RNF32: variants seen among roughly 807,000 people sequenced by gnomAD.
The protein encoded by RNF32 is ring finger protein 32.
A neutral mutation model predicts 41.0 loss-of-function variants in RNF32; 36 were observed. The observed-to-expected ratio is 0.88, with a 90% CI of 0.67 to 1.16. RNF32 has a LOEUF of 1.16. Ranked by LOEUF, RNF32 falls within the 50% of genes most tolerant of loss-of-function variation. The pLI, the probability that RNF32 is intolerant of heterozygous loss-of-function variation, is 0.00. For synonymous variants in RNF32, 154 were observed against 160.9 expected (o/e 0.96, Z 0.32); for missense variants, 413 against 436.7 (o/e 0.95, Z 0.48).
chr7:156,662,794 A>G (rs912949217), intron 7 of RNF32, among the ~76,000 whole-genome samples: 1 of 151,922 alleles, frequency 6.6e-6, no homozygotes, highest in Non-Finnish European at 1.5e-5. Flanking sequence ...AAAAAATTAT[A>G]TGAGCATCTC....
chr7:156,676,374 G>T, intron 8 of RNF32, 45 bp from the exon 9 acceptor site: 1 of 1,613,904 alleles, frequency 6.2e-7, no homozygotes, highest in African/African-American at 1.3e-5. Flanking sequence ...TTTCTGCTGT[G>T]ATGAAACTAA....
At chr7:156,650,338 G>A (rs1349142514) in intron 3 of RNF32, among the ~76,000 whole-genome samples, 1 of 152,160 alleles carries the variant, frequency 6.6e-6, no homozygotes, top group Non-Finnish European at 1.5e-5. Flanking sequence ...ACCTGAGACG[G>A]TCACATGCCC....
rs1386311699 is a variant in RNF32, at chr7:156,670,478, A to G, written c.685-5218A>G. On this transcript the variant is annotated intron_variant, in intron 7 of 8. Transcript: ENST00000317955. The surrounding 1 kb of genome is among the most constrained non-coding windows in gnomAD (Gnocchi z 4.3). Reference sequence around the variant, plus strand: ...ACGTGGGACAGAGGCAACAGCTTGAAGCAACAAAGGCTAAGAATTTTCCAG... The same window carrying G: ...ACGTGGGACAGAGGCAACAGCTTGAGGCAACAAAGGCTAAGAATTTTCCAG... Among the ~76,000 whole-genome samples, 4 of 152,246 alleles carry G rather than the reference A, an allele frequency of 2.6e-5. No individual in the cohort carries two copies. The highest frequency in any genetic ancestry group is 9.6e-5 in the African/African-American group (4 of 41,456).
intron 3 of RNF32, among the ~76,000 whole-genome samples, chr7:156,651,522 A>C (rs116108547): frequency 0.018 from 2,673 of 152,164 alleles, 79 homozygotes; most frequent in African/African-American, 0.062. Context: ...CCATATTTTT[A>C]ATAATTCTAA....
At chr7:156,662,121 G>GTGCCTATA (rs762160935) in intron 7 of RNF32, among the ~76,000 whole-genome samples, 5 of 152,236 alleles carry the variant, frequency 3.3e-5, no homozygotes, top group Non-Finnish European at 5.9e-5. Context: ...GCAGTAGGTA[G>GTGCCTATA]TAGGTGCCTA....
In RNF32 at chr7:156,676,569, G is replaced by GTT; in HGVS notation, c.1003_1004insTT (p.Glu335ValfsTer37). 6.2e-7 allele frequency: 1 copy of GTT among 1,614,230 alleles called. No individual in the cohort carries two copies. The stretch of plus-strand genomic sequence containing the variant: ...CCACCATGCGTGTCTGCTGGCACTA[G>GTT]AGGAGTTCTCCGTGGGAGACAGGCC... On this transcript the variant is annotated frameshift_variant, in exon 9 of 9. Transcript: ENST00000317955. LOFTEE classifies it high-confidence loss of function.
At chr7:156,661,290 AG>A (rs1426135677) in intron 7 of RNF32, among the ~76,000 whole-genome samples, 1 of 150,490 alleles carries the variant, frequency 6.6e-6, no homozygotes, top group African/African-American at 2.5e-5. Flanking sequence ...CTTGGCCAAG[AG>A]GGGGTTCGTT....
intron 8 of RNF32, 138 bp from the exon 9 acceptor site, chr7:156,676,281 T>C (rs1372727825): frequency 7.7e-6 from 12 of 1,567,722 alleles, no homozygotes; most frequent in Non-Finnish European, 1.0e-5. Context: ...AAAATGCATG[T>C]GATTTTAACA....
chr7:156,665,024 TAAA>T (rs1290066724), intron 7 of RNF32, among the ~76,000 whole-genome samples: 2 of 152,172 alleles, frequency 1.3e-5, no homozygotes, highest in African/African-American at 4.8e-5. Flanking sequence ...ATATTTAAAA[TAAA>T]AACATAACTG....
chr7:156,661,095 G>A (rs1800595547), intron 7 of RNF32, among the ~76,000 whole-genome samples: 1 of 152,206 alleles, frequency 6.6e-6, no homozygotes, highest in South Asian at 2.1e-4. Context: ...CCCTTGCCGG[G>A]CATGGCCTTA....
intron 3 of RNF32, among the ~76,000 whole-genome samples, chr7:156,652,108 G>C (rs1169461642): frequency 6.6e-6 from 1 of 152,166 alleles, no homozygotes; most frequent in East Asian, 1.9e-4. Flanking sequence ...CAATGTCTTT[G>C]CTCTTTTCTC....
Position 156,675,692 on chromosome 7 carries a change from T to G in RNF32, c.685-4T>G. 4.7e-5 allele frequency: 61 copies of G among 1,307,646 alleles called. No individual in the cohort carries two copies. The highest frequency in any genetic ancestry group is 5.8e-5 in the Non-Finnish European group (53 of 911,000). 81.0% of individuals were successfully genotyped at this position (1,307,646 alleles called of 1,614,324 possible). A position where few individuals can be genotyped will look rare whatever the true frequency, so the allele number is the denominator to read the frequency against. ...GAGCTTACCCGCCCCCGCCTCCTCC[T>G]CAGTTCACAGAAATCAGCCACCGCA... On this transcript the variant is annotated splice_polypyrimidine_tract_variant and splice_region_variant and intron_variant, in intron 7 of 8. Coordinates refer to ENST00000317955, the MANE Select transcript of RNF32 (RefSeq NM_030936.4).
chr7:156,670,971 G>C lies in RNF32; in HGVS notation c.685-4725G>C, dbSNP rs1306167182. 1.3e-5 allele frequency among the ~76,000 whole-genome samples: 2 copies of C among 152,108 alleles called. No individual in the cohort carries two copies. Among genetic ancestry groups the C allele is most frequent in the Non-Finnish European group, 2.9e-5 (2 of 68,022 alleles). On this transcript the variant is annotated intron_variant, in intron 7 of 8. Transcript: ENST00000317955. This position sits in a 1 kb window ranked among gnomAD's most constrained non-coding sequence, Gnocchi z 4.3. ...CATGTCTCAGGTTAAAAGAGAGAGA[G>C]AGCTTATGACAAAAATAACATAAAG... is the stretch of plus-strand genomic sequence containing the variant.
Position 156,673,934 on chromosome 7 carries a change from C to T in RNF32, c.685-1762C>T, listed in dbSNP as rs575967162. On this transcript the variant is annotated intron_variant, in intron 7 of 8. Coordinates refer to ENST00000317955, the MANE Select transcript of RNF32 (RefSeq NM_030936.4). Reference sequence around the variant, plus strand: ...AAAAAAAAAAAAAAGAAAAAGTGAACGTGAGGACTCCAGTAGACTAGAATA... The same window carrying T: ...AAAAAAAAAAAAAAGAAAAAGTGAATGTGAGGACTCCAGTAGACTAGAATA... 4.0e-3 allele frequency among the ~76,000 whole-genome samples: 598 copies of T among 150,562 alleles called. 7 individuals carry two copies. Among genetic ancestry groups the T allele is most frequent in the Non-Finnish European group, 5.6e-3 (382 of 67,792 alleles).
At chr7:156,654,816 G>T (rs1799355270) in intron 4 of RNF32, 98 bp downstream of exon 4, 18 of 1,171,508 alleles carry the variant, frequency 1.5e-5, no homozygotes, top group Non-Finnish European at 2.2e-5. Flanking sequence ...CCTTTTTCCA[G>T]TTTCATCCTC....
At chr7:156,653,465 T>C (rs1379310740) in intron 3 of RNF32, among the ~76,000 whole-genome samples, 3 of 152,248 alleles carry the variant, frequency 2.0e-5, no homozygotes. Context: ...TCTTCCAGCC[T>C]TTCAGTGGAC....
rs1563104136 is a variant in RNF32, at chr7:156,675,744, G to A, written c.733G>A (p.Glu245Lys). The A allele has an allele frequency of 1.2e-6, 2 of 1,613,708 alleles. No individual in the cohort carries two copies. ...RILCSYNTNIEELFAEIDQCL... is the reference protein window; with the variant it reads ...RILCSYNTNIKELFAEIDQCL... The stretch of plus-strand genomic sequence containing the variant: ...CCTGTGCTCATACAACACCAACATT[G>A]AAGAGCTCTTTGCAGAAATCGATCA... Residue 245 changes from glutamate (E) to lysine (K), a missense_variant, in exon 8 of 9, where the codon GAA (glutamate) becomes AAA (lysine). Coordinates refer to ENST00000317955, the MANE Select transcript of RNF32 (RefSeq NM_030936.4).
rs1800055256 is a variant in RNF32 at position 156,658,340 on chromosome 7, C to G, written c.575+88C>G. On this transcript the variant is annotated intron_variant, in intron 6 of 8. Transcript: ENST00000317955. ...TTTTTTGAATAGTGGGATTTTATCT[C>G]TCTTCTTGGCCACCATAATTTCCCC... 4.5e-6 allele frequency: 7 copies of G among 1,572,342 alleles called. No individual in the cohort carries two copies. The Admixed American group carries it at 1.1e-4, about 24-fold the overall frequency.
At chr7:156,676,359 G>C (rs1391815249) in intron 8 of RNF32, 60 bp from the exon 9 acceptor site, 2 of 1,613,596 alleles carry the variant, frequency 1.2e-6, no homozygotes, top group Non-Finnish European at 1.7e-6. Context: ...TTCAGTTTAA[G>C]TAACTTTCTG....
Sources: allele counts gnomAD v4.1 joint callset (sites outside exome capture counted in the v4.1 genomes callset), GRCh38; gene constraint gnomAD v4.1.1; non-coding constraint Gnocchi (gnomAD v3.1); transcripts MANE v1.5; gene names NCBI Gene and HGNC (gene_info 2026-07-23, HGNC 2026-07-21).